TEKT1: variants seen among roughly 807,000 people sequenced by gnomAD.
TEKT1 encodes tektin-1.
TEKT1 carries 32 observed loss-of-function variants against 34.8 expected under a neutral mutation model. The ratio of observed to expected loss-of-function variants is 0.92; its 90% confidence interval spans 0.69 to 1.23. The LOEUF (loss-of-function observed/expected upper bound fraction) is 1.23. Ranked by LOEUF, TEKT1 falls within the 50% of genes most tolerant of loss-of-function variation. The probability of loss-of-function intolerance (pLI) is 0.00; values close to 1 mark genes in which losing one functional copy is unlikely to be tolerated. For synonymous variants in TEKT1, 207 were observed against 199.8 expected (o/e 1.04, Z -0.30); for missense variants, 492 against 518.5 (o/e 0.95, Z 0.50).
intron 7 of TEKT1, 45 bp from the exon 8 acceptor site, chr17:6,800,279 A>T: frequency 6.4e-7 from 1 of 1,567,796 alleles, no homozygotes; most frequent in Non-Finnish European, 8.7e-7. Flanking sequence ...CTCTCTATGC[A>T]TTGCTTTTTC....
chr17:6,800,303 T>G, intron 7 of TEKT1, 69 bp from the exon 8 acceptor site: 1 of 1,450,598 alleles, frequency 6.9e-7, no homozygotes. Flanking sequence ...GGAAAGAATG[T>G]TCCCCAGTGT....
At position 6,819,297 on chromosome 17, in the gene TEKT1, A is replaced by C; in HGVS notation, c.252T>G (p.Leu84=). 1 of 1,614,010 alleles carries C rather than the reference A, an allele frequency of 6.2e-7. No homozygotes were observed. The highest frequency in any genetic ancestry group is 8.5e-7 in the Non-Finnish European group (1 of 1,179,972). The change falls in exon 3 of 8, where the codon CTT becomes CTG. Residue 84 remains leucine, a synonymous_variant. Transcript: ENST00000338694. ...KKELDDKLEQ[L]VNVTDDLLIY... ...TGAGTAGATCATCAGTTACATTCACAAGCTGCTCAAGTTTGTCATCTAACT... is the reference window on the plus strand; with the variant it reads ...TGAGTAGATCATCAGTTACATTCACCAGCTGCTCAAGTTTGTCATCTAACT...
chr17:6,816,251 C>T (rs1977007283), intron 3 of TEKT1, among the ~76,000 whole-genome samples: 1 of 151,700 alleles, frequency 6.6e-6, no homozygotes, highest in South Asian at 2.1e-4. Context: ...TTAAATTATA[C>T]TTTAAGTTCT....
chr17:6,798,697 C>A lies in TEKT1; in HGVS notation c.*1330G>T, dbSNP rs1389983294. On this transcript the variant is annotated 3_prime_UTR_variant, in exon 8 of 8. Coordinates refer to ENST00000338694, the MANE Select transcript of TEKT1 (RefSeq NM_053285.2). The stretch of plus-strand genomic sequence containing the variant: ...ACATCCCTTTCTGATGGCAAAGAGT[C>A]TCTGGACCAAGGAGCACCTAGATTG... The A allele has an allele frequency of 1.3e-5, 2 of 152,242 alleles. No homozygotes were observed. The highest frequency in any genetic ancestry group is 4.8e-5 in the African/African-American group (2 of 41,446). The allele number at this position is 152,242 out of a possible 1,614,324, so 9.4% of individuals were successfully genotyped here.
intron 6 of TEKT1, among the ~76,000 whole-genome samples, chr17:6,804,018 G>T (rs1976813279): frequency 1.3e-5 from 2 of 152,146 alleles, no homozygotes; most frequent in African/African-American, 4.8e-5. Context: ...TAGCTTGATG[G>T]GGATGGCATT....
chr17:6,821,077 G>A (rs1429465457), intron 2 of TEKT1, among the ~76,000 whole-genome samples: 2 of 152,050 alleles, frequency 1.3e-5, no homozygotes, highest in Non-Finnish European at 2.9e-5. Flanking sequence ...TATATGACCT[G>A]TTTTTTCCAC....
At chr17:6,801,815 A>T (rs1431525599) in intron 6 of TEKT1, among the ~76,000 whole-genome samples, 3 of 152,184 alleles carry the variant, frequency 2.0e-5, no homozygotes, top group African/African-American at 7.2e-5. Context: ...CATTTTTTTT[A>T]AAACTTGTAC....
chr17:6,827,365 G>A (rs556202632), intron 2 of TEKT1, among the ~76,000 whole-genome samples: 9 of 150,266 alleles, frequency 6.0e-5, no homozygotes, highest in Admixed American at 4.0e-4. Flanking sequence ...GGGTTCAAGC[G>A]ATTCTCCTAC....
In TEKT1 at chr17:6,815,201, G is replaced by A. The variant is rs775882135; in HGVS notation, c.591C>T (p.Asn197=). 2.5e-6 allele frequency: 4 copies of A among 1,614,040 alleles called. No individual in the cohort carries two copies. Among genetic ancestry groups the A allele is most frequent in the Middle Eastern group, 1.6e-4 (1 of 6,084 alleles). Residue 197 remains asparagine (N), a synonymous_variant, in exon 5 of 8, where the codon AAC becomes AAT. Coordinates refer to ENST00000338694, the MANE Select transcript of TEKT1 (RefSeq NM_053285.2). ...TCACGGCGTTCTCAGAATATCTGATGTTTGGTGAGTTGTTGTTGAGCGAGA... is the reference window on the plus strand; with the variant it reads ...TCACGGCGTTCTCAGAATATCTGATATTTGGTGAGTTGTTGTTGAGCGAGA... The part of the protein sequence containing the change: ...ICFSLNNNSP[N]IRYSENAVRI...
At chr17:6,805,894 G>A (rs1446936725) in intron 6 of TEKT1, among the ~76,000 whole-genome samples, 5 of 152,258 alleles carry the variant, frequency 3.3e-5, no homozygotes, top group South Asian at 2.1e-4. Context: ...CAACTTTGTG[G>A]TCAATTTTGG....
intron 4 of TEKT1, 89 bp downstream of exon 4, chr17:6,815,745 T>A: frequency 3.2e-6 from 5 of 1,567,836 alleles, no homozygotes; most frequent in Non-Finnish European, 4.3e-6. Context: ...AACCCCTTTC[T>A]TTCTGTGCCA....
chr17:6,816,110 G>A (rs1053646487), intron 3 of TEKT1, 148 bp from the exon 4 acceptor site: 46 of 1,143,532 alleles, frequency 4.0e-5, no homozygotes, highest in African/African-American at 6.2e-5. Context: ...ACAGATATTA[G>A]TTGGTGTCTA....
rs759478261 is a variant in TEKT1, at chr17:6,815,850, C to A, written c.469G>T (p.Ala157Ser). The part of the protein sequence containing the change: ...MALLTRTLEE[A>S]SEQIRMNRSA... ...GAGTCATACCGAATCTGCTCGGAAG[C>A]CTCCTCCAAGGTACGGGTCAGCAGA... is the stretch of plus-strand genomic sequence containing the variant. The change falls in exon 4 of 8, where the codon GCT becomes TCT. Residue 157 changes from alanine to serine, a missense_variant. By Grantham distance (99) the Ala-to-Ser change is moderately conservative. Coordinates refer to ENST00000338694, the MANE Select transcript of TEKT1 (RefSeq NM_053285.2). 1 of 1,614,172 alleles carries A rather than the reference C, an allele frequency of 6.2e-7. No individual in the cohort carries two copies. Among genetic ancestry groups the A allele is most frequent in the Non-Finnish European group, 8.5e-7 (1 of 1,180,032 alleles).
chr17:6,802,380 C>G (rs914160256), intron 6 of TEKT1, among the ~76,000 whole-genome samples: 1 of 151,958 alleles, frequency 6.6e-6, no homozygotes, highest in Non-Finnish European at 1.5e-5. Flanking sequence ...TTATTTAAAG[C>G]AGCATTTATA....
chr17:6,818,130 G>A (rs527737129), intron 3 of TEKT1, among the ~76,000 whole-genome samples: 34 of 152,258 alleles, frequency 2.2e-4, no homozygotes, highest in Middle Eastern at 3.4e-3. Context: ...GACAAGATAT[G>A]GATCCAGAGA....
intron 2 of TEKT1, among the ~76,000 whole-genome samples, chr17:6,826,623 GATA>G (rs1567682219): frequency 1.7e-5 from 1 of 58,820 alleles, no homozygotes. Flanking sequence ...TTTGCAGATA[GATA>G]GATAGATAGA....
At chr17:6,820,595 T>C (rs1977073442) in intron 2 of TEKT1, among the ~76,000 whole-genome samples, 1 of 152,212 alleles carries the variant, frequency 6.6e-6, no homozygotes, top group African/African-American at 2.4e-5. Flanking sequence ...TTTTTCTCAA[T>C]ATGCCCTCAA....
intron 2 of TEKT1, among the ~76,000 whole-genome samples, chr17:6,826,872 T>G (rs35249244): frequency 0.064 from 9,708 of 151,470 alleles, 412 homozygotes; most frequent in East Asian, 0.14. Flanking sequence ...ATTTTTAGTG[T>G]TTTTAGTAGA....
rs114700163 is a variant in TEKT1 at position 6,814,073 on chromosome 17, C to A, written c.630-1020G>T. Among the ~76,000 whole-genome samples, 876 of 151,730 alleles carry A rather than the reference C, an allele frequency of 5.8e-3. 7 individuals are homozygous for A. The highest frequency in any genetic ancestry group is 0.017 in the Middle Eastern group (5 of 294). Reference sequence around the variant, plus strand: ...AGGAACCAAGGCCCACCATCACCCACAATCAGCTTGGAATTGGACCCCACC... The same window carrying A: ...AGGAACCAAGGCCCACCATCACCCAAAATCAGCTTGGAATTGGACCCCACC... On this transcript the variant is annotated intron_variant, in intron 5 of 7. Transcript: ENST00000338694.
Sources: allele counts gnomAD v4.1 joint callset (sites outside exome capture counted in the v4.1 genomes callset), GRCh38; gene constraint gnomAD v4.1.1; transcripts MANE v1.5; gene names NCBI Gene and HGNC (gene_info 2026-07-23, HGNC 2026-07-21).